The following ZNF420 variants were observed in gnomAD, a reference collection of about 807,000 sequenced individuals.
ZNF420 encodes the protein zinc finger protein 420, also known as ATM and p53-associated KZNF protein.
In ZNF420, 31 loss-of-function variants were observed where a neutral mutation model predicts 44.7. That is an observed-to-expected ratio of 0.69 (90% CI 0.52 to 0.94). The LOEUF is 0.94. Among genes scored for constraint, ZNF420 ranks in the 40% least tolerant of loss-of-function variants. The pLI is 0.00. For synonymous variants in ZNF420, 245 were observed against 267.4 expected, an observed-to-expected ratio of 0.92 and a Z score of 0.82; for missense variants, 681 against 827.9, an observed-to-expected ratio of 0.82 and a Z score of 2.18.
chr19:37,084,324 T>A (rs1968635922), intron 2 of ZNF420, among the ~76,000 whole-genome samples: 1 of 152,204 alleles, frequency 6.6e-6, no homozygotes, highest in Non-Finnish European at 1.5e-5. Context: ...GATAAGTTTG[T>A]TTCATTTTGC....
upstream of ZNF420, among the ~76,000 whole-genome samples, chr19:37,076,055 C>A (rs1008178917): frequency 6.6e-6 from 1 of 152,026 alleles, no homozygotes; most frequent in Admixed American, 6.6e-5. Context: ...GCTGCCTATA[C>A]TTTTTTTAAA....
intron 2 of ZNF420, among the ~76,000 whole-genome samples, chr19:37,085,541 G>A (rs1254837921): frequency 2.0e-5 from 3 of 152,148 alleles, no homozygotes; most frequent in Non-Finnish European, 4.4e-5. Context: ...GGGAGTTGCA[G>A]TGCAGGACTC....
At chr19:37,017,572 T>A (rs1178170420) in intron 1 of ZNF420, among the ~76,000 whole-genome samples, 54 of 152,340 alleles carry the variant, frequency 3.5e-4, no homozygotes, top group Non-Finnish European at 4.4e-5. Context: ...CCCCACTTGA[T>A]TATCTCAATT....
At chr19:37,056,831 C>T (rs764034677) in intron 1 of ZNF420, among the ~76,000 whole-genome samples, 1 of 152,230 alleles carries the variant, frequency 6.6e-6, no homozygotes, top group Non-Finnish European at 1.5e-5. Flanking sequence ...TCCGGGAGTG[C>T]GGCCCTGGGG....
In ZNF420 at chr19:37,013,240, G is replaced by A. The variant is rs544589393; in HGVS notation, c.-125+5158G>A. Among the ~76,000 whole-genome samples, 330 of 152,152 alleles carry A rather than the reference G, an allele frequency of 2.2e-3. 6 individuals carry two copies. The highest frequency in any genetic ancestry group is 2.5e-3 in the Non-Finnish European group (172 of 67,998). On this transcript the variant is annotated intron_variant, in intron 1 of 4. Transcript: ENST00000587029. Reference sequence around the variant, plus strand: ...CTCGCCTCTCACTGCCTGTCACTTCGTCCACAGCAGCCCCCGCTCACTATT... The same window carrying A: ...CTCGCCTCTCACTGCCTGTCACTTCATCCACAGCAGCCCCCGCTCACTATT...
Position 37,091,122 on chromosome 19 carries a change from G to T in ZNF420, c.136+1G>T, listed in dbSNP as rs1969120502. 1.3e-6 allele frequency: 2 copies of T among 1,578,130 alleles called. No homozygotes were observed. The highest frequency in any genetic ancestry group is 1.2e-5 in the South Asian group (1 of 84,028). On this transcript the variant is annotated splice_donor_variant, in intron 4 of 4. Transcript: ENST00000337995. LOFTEE classifies it high-confidence loss of function. ...AACTATAGCAACTTGGTATCACTAG[G>T]TAAGGAATCTAGCCTTCATATTTCA...
At chr19:37,015,502 G>A (rs940629163) in intron 1 of ZNF420, among the ~76,000 whole-genome samples, 5 of 152,286 alleles carry the variant, frequency 3.3e-5, no homozygotes, top group Admixed American at 6.5e-5. Flanking sequence ...TTCAAATTCC[G>A]TTGCTGGCAG....
At chr19:37,089,215 C>T in intron 3 of ZNF420, 88 bp downstream of exon 3, 1 of 1,133,354 alleles carries the variant, frequency 8.8e-7, no homozygotes, top group Non-Finnish European at 1.3e-6. Flanking sequence ...AACTTCATTC[C>T]TAACTGACCT....
At chr19:37,010,499 A>G (rs554498310) in intron 1 of ZNF420, among the ~76,000 whole-genome samples, 5 of 151,752 alleles carry the variant, frequency 3.3e-5, no homozygotes, top group African/African-American at 1.2e-4. Context: ...CCACTGCTCT[A>G]TGTCTGTGTG....
intron 1 of ZNF420, among the ~76,000 whole-genome samples, chr19:37,040,274 A>G (rs1245671571): frequency 6.6e-6 from 1 of 152,070 alleles, no homozygotes; most frequent in African/African-American, 2.4e-5. Flanking sequence ...TCGTGAACCA[A>G]CCTATGCTAA....
intron 4 of ZNF420, among the ~76,000 whole-genome samples, chr19:37,125,375 G>C (rs1229474522): frequency 6.6e-6 from 1 of 152,212 alleles, no homozygotes; most frequent in Non-Finnish European, 1.5e-5. Context: ...AAGGGATAGA[G>C]AGAGCTAAAG....
rs553675014 is a variant in ZNF420 at position 37,062,118 on chromosome 19, T to C, written c.-124-18227T>C. Among the ~76,000 whole-genome samples the C allele has an allele frequency of 2.4e-4, 36 of 152,352 alleles. 1 individual carries two copies. The South Asian group carries it at 4.8e-3, about 20-fold the overall frequency. ...AAATATTTGCTTTTAACCTCTACAC[T>C]GTTAGAAGTAACTAACTGGACACAT... On this transcript the variant is annotated intron_variant, in intron 1 of 4. Transcript: ENST00000587029.
At chr19:37,056,140 C>T (rs1024821453) in intron 1 of ZNF420, among the ~76,000 whole-genome samples, 1 of 151,528 alleles carries the variant, frequency 6.6e-6, no homozygotes, top group Non-Finnish European at 1.5e-5. Flanking sequence ...GCCGAAGGGA[C>T]GGGACTGGGG....
At position 37,128,219 on chromosome 19, in the gene ZNF420, C is replaced by A; in HGVS notation, c.1228C>A (p.Gln410Lys). 6.2e-7 allele frequency: 1 copy of A among 1,613,846 alleles called. No homozygotes were observed. Among genetic ancestry groups the A allele is most frequent in the Non-Finnish European group, 8.5e-7 (1 of 1,179,916 alleles). The change falls in exon 5 of 5, where the codon CAG (glutamine) becomes AAG (lysine). Residue 410 changes from glutamine (Q) to lysine (K), a missense_variant. This residue lies in a region of ZNF420 where 51 missense variants were observed against 106.8 expected (regional missense o/e 0.48). Coordinates refer to ENST00000337995, the MANE Select transcript of ZNF420 (RefSeq NM_144689.5). ...FSHGSQLTQHQRIHTGEKPYQ... is the reference protein window; with the variant it reads ...FSHGSQLTQHKRIHTGEKPYQ... ...TCATGGCTCACAACTTACTCAACAT[C>A]AGAGAATACACACTGGTGAGAAACC...
At chr19:37,048,064 T>A (rs1276607944) in intron 1 of ZNF420, among the ~76,000 whole-genome samples, 1 of 152,196 alleles carries the variant, frequency 6.6e-6, no homozygotes, top group Non-Finnish European at 1.5e-5. Context: ...TTGATTTTTT[T>A]AAAACCTTTA....
intron 2 of ZNF420, among the ~76,000 whole-genome samples, chr19:37,087,293 A>T (rs1309997106): frequency 2.3e-5 from 2 of 86,854 alleles, no homozygotes; most frequent in Admixed American, 1.3e-4. Context: ...AAAAAAAAAA[A>T]TAAATAAATA....
At chr19:37,117,792 C>G (rs1970780570) in intron 4 of ZNF420, among the ~76,000 whole-genome samples, 1 of 152,162 alleles carries the variant, frequency 6.6e-6, no homozygotes, top group Admixed American at 6.5e-5. Context: ...GCTGATGGAG[C>G]TGAAAGCCAA....
intron 4 of ZNF420, among the ~76,000 whole-genome samples, chr19:37,122,541 C>T (rs1260966969): frequency 6.6e-6 from 1 of 151,952 alleles, no homozygotes. Context: ...TGCAGTACAC[C>T]AACATGGCAC....
chr19:37,105,155 C>T (rs62108935), intron 4 of ZNF420, among the ~76,000 whole-genome samples: 1 of 152,116 alleles, frequency 6.6e-6, no homozygotes, highest in South Asian at 2.1e-4. Flanking sequence ...GTCTTTAATC[C>T]ATCTTGAATT....
Sources: gnomAD v4.1 joint callset for allele counts (sites outside exome capture counted in the v4.1 genomes callset) on GRCh38, gnomAD v4.1.1 for gene constraint, gnomAD v4.1.1 regional missense constraint, MANE v1.5 for transcripts, NCBI Gene and HGNC (gene_info 2026-07-23, HGNC 2026-07-21) for gene names.